OLFM3: variants seen among roughly 807,000 people sequenced by gnomAD.
OLFM3 encodes the protein olfactomedin 3.
Under a neutral mutation model 48.6 loss-of-function variants are expected in OLFM3, and 20 were observed. The ratio of observed to expected loss-of-function variants is 0.41; its 90% confidence interval spans 0.29 to 0.60. OLFM3 has a LOEUF of 0.60. OLFM3 is among the 20% of genes least tolerant of loss of function. The pLI is 0.28. For synonymous variants in OLFM3, 222 were observed against 198.1 expected (o/e 1.12, Z -1.01); for missense variants, 437 against 544.3 (o/e 0.80, Z 1.96).
At chr1:101,987,339 G>A (rs180731685) in intron 1 of OLFM3, among the ~76,000 whole-genome samples, 1 of 152,248 alleles carries the variant, frequency 6.6e-6, no homozygotes, top group Admixed American at 6.5e-5. Flanking sequence ...TCAAATGAAA[G>A]TCATTTTATT....
intron 1 of OLFM3, among the ~76,000 whole-genome samples, chr1:101,889,223 T>C (rs1657892711): frequency 6.6e-6 from 1 of 152,096 alleles, no homozygotes; most frequent in Non-Finnish European, 1.5e-5. Flanking sequence ...TGCAGCACTA[T>C]TCACAATAGC....
At chr1:101,931,285 T>C (rs1659437454) in intron 1 of OLFM3, among the ~76,000 whole-genome samples, 1 of 152,194 alleles carries the variant, frequency 6.6e-6, no homozygotes, top group Non-Finnish European at 1.5e-5. Context: ...CTTAGGACAT[T>C]CATATAAATT....
intron 1 of OLFM3, among the ~76,000 whole-genome samples, chr1:101,976,826 C>A (rs1405433191): frequency 1.3e-5 from 2 of 152,072 alleles, no homozygotes; most frequent in African/African-American, 4.8e-5. Context: ...CTTTTCTTCC[C>A]TTCTAAGAAT....
intron 1 of OLFM3, among the ~76,000 whole-genome samples, chr1:101,953,226 C>T (rs1188893473): frequency 6.6e-6 from 1 of 151,982 alleles, no homozygotes; most frequent in Non-Finnish European, 1.5e-5. Context: ...ACATATATGG[C>T]TCACATTGTA....
intron 4 of OLFM3, chr1:101,813,037 C>A: frequency 8.1e-7 from 1 of 1,232,164 alleles, no homozygotes. Flanking sequence ...GCTGAGAATA[C>A]AAAGGTGAAC....
At chr1:101,865,664 T>C (rs969867718) in intron 1 of OLFM3, among the ~76,000 whole-genome samples, 5 of 152,146 alleles carry the variant, frequency 3.3e-5, no homozygotes, top group Admixed American at 2.0e-4. Flanking sequence ...GTATCTATCC[T>C]AGCATATCCA....
intron 4 of OLFM3, chr1:101,812,663 C>T (rs1252401971): frequency 2.0e-6 from 2 of 985,634 alleles, no homozygotes; most frequent in Non-Finnish European, 2.4e-6. Context: ...CTAATCCAGC[C>T]TTGCATCTCT....
chr1:101,978,707 C>T (rs576174871), intron 1 of OLFM3, among the ~76,000 whole-genome samples: 261 of 152,204 alleles, frequency 1.7e-3, no homozygotes, highest in Non-Finnish European at 3.0e-3. Flanking sequence ...CACAGACAGG[C>T]GCTTTAATTT....
chr1:101,936,807 A>T (rs770171421), intron 1 of OLFM3, among the ~76,000 whole-genome samples: 1 of 152,128 alleles, frequency 6.6e-6, no homozygotes, highest in Non-Finnish European at 1.5e-5. Context: ...AAAGCTGCGC[A>T]CCTACAACCA....
chr1:101,804,255 T>G lies in OLFM3; in HGVS notation c.1360A>C (p.Thr454Pro), dbSNP rs1320566371. 4.4e-6 allele frequency: 7 copies of G among 1,597,942 alleles called. No individual in the cohort carries two copies. Among genetic ancestry groups the G allele is most frequent in the Non-Finnish European group, 6.0e-6 (7 of 1,172,192 alleles). The change falls in exon 6 of 6, where the codon ACA becomes CCA. Residue 454 changes from threonine (T) to proline (P), a missense_variant. By Grantham distance (38) the Thr-to-Pro change is conservative. This residue lies in a region of OLFM3 where 108 missense variants were observed against 135.8 expected (regional missense o/e 0.80). Coordinates refer to ENST00000370103, the MANE Select transcript of OLFM3 (RefSeq NM_058170.4). The surrounding 1 kb of genome is among the most constrained non-coding windows in gnomAD (Gnocchi z 4.5). ...FNVTLFHIIK[T>P]EDDT is the part of the protein sequence containing the mutation. ...ACATTTGCCTATGTGTCATCCTCTG[T>G]CTTGATGATATGGAAAAGGGTGACA...
At chr1:101,892,437 T>C (rs1658038144) in intron 1 of OLFM3, among the ~76,000 whole-genome samples, 1 of 152,084 alleles carries the variant, frequency 6.6e-6, no homozygotes, top group Non-Finnish European at 1.5e-5. Flanking sequence ...TTTGCGCATG[T>C]ATCTAACAAA....
At chr1:101,919,590 A>G (rs561393445) in intron 1 of OLFM3, among the ~76,000 whole-genome samples, 8 of 152,172 alleles carry the variant, frequency 5.3e-5, no homozygotes, top group African/African-American at 1.9e-4. Flanking sequence ...CCTCAGCCAC[A>G]TTTACCTCTC....
At chr1:101,808,384 A>G (rs1198778484) in intron 4 of OLFM3, among the ~76,000 whole-genome samples, 4 of 151,562 alleles carry the variant, frequency 2.6e-5, no homozygotes, top group African/African-American at 9.7e-5. Context: ...ATGGAATAAG[A>G]TGCATTTGTG....
intron 3 of OLFM3, among the ~76,000 whole-genome samples, chr1:101,827,203 A>G (rs1343027187): frequency 6.6e-6 from 1 of 152,248 alleles, no homozygotes; most frequent in Non-Finnish European, 1.5e-5. Context: ...ATCTCTTCAT[A>G]TAAGAATGTC....
chr1:101,896,677 T>A (rs1658217973), intron 1 of OLFM3, among the ~76,000 whole-genome samples: 2 of 146,622 alleles, frequency 1.4e-5, no homozygotes, highest in African/African-American at 2.5e-5. Context: ...TGTATTTTTT[T>A]TTTTTTTTTT....
intron 1 of OLFM3, among the ~76,000 whole-genome samples, chr1:101,977,574 T>A (rs1660989315): frequency 6.6e-6 from 1 of 152,274 alleles, no homozygotes; most frequent in Middle Eastern, 3.4e-3. Flanking sequence ...TCCTACTTTA[T>A]GCAAAAGAAT....
At chr1:101,884,126 T>C (rs72987980) in intron 1 of OLFM3, among the ~76,000 whole-genome samples, 21 of 152,040 alleles carry the variant, frequency 1.4e-4, no homozygotes, top group African/African-American at 4.8e-4. Context: ...CTATGGACTT[T>C]CTGGAGCCCC....
At chr1:101,928,371 A>G (rs1659340699) in intron 1 of OLFM3, among the ~76,000 whole-genome samples, 1 of 152,026 alleles carries the variant, frequency 6.6e-6, no homozygotes, top group Admixed American at 6.6e-5. Context: ...ATTGTGCATG[A>G]CTTAACACAT....
intron 1 of OLFM3, among the ~76,000 whole-genome samples, chr1:101,929,529 A>T (rs1265783033): frequency 1.3e-5 from 2 of 152,040 alleles, no homozygotes; most frequent in Non-Finnish European, 2.9e-5. Flanking sequence ...GGAGTTTGGC[A>T]CTTTGCCACC....
Sources: gnomAD v4.1 joint callset for allele counts (sites outside exome capture counted in the v4.1 genomes callset) on GRCh38, gnomAD v4.1.1 for gene constraint, gnomAD v4.1.1 regional missense constraint, Gnocchi (gnomAD v3.1) non-coding constraint, MANE v1.5 for transcripts, NCBI Gene and HGNC (gene_info 2026-07-23, HGNC 2026-07-21) for gene names.